The following ABCF1 variants were observed in gnomAD, a reference collection of about 807,000 sequenced individuals.
The protein encoded by ABCF1 is ATP binding cassette subfamily F member 1.
A neutral mutation model predicts 126.3 loss-of-function variants in ABCF1; 73 were observed. The ratio of observed to expected loss-of-function variants is 0.58; its 90% CI spans 0.48 to 0.70. The LOEUF (loss-of-function observed/expected upper bound fraction) is 0.70. Ranked by LOEUF, ABCF1 falls within the 30% of genes least tolerant of loss-of-function variation. The pLI, the probability that ABCF1 is intolerant of heterozygous loss-of-function variation, is 0.00. For missense variants in ABCF1, 786 were observed against 1,057.5 expected, an observed-to-expected ratio of 0.74 and a Z score of 3.56; for synonymous variants, 345 against 396.4, an observed-to-expected ratio of 0.87 and a Z score of 1.54.
rs1211871341 is a variant in ABCF1, at chr6:30,586,100, G to A, written c.1714-34G>A. On this transcript the variant is annotated intron_variant, in intron 17 of 24. Coordinates refer to ENST00000326195, the MANE Select transcript of ABCF1 (RefSeq NM_001025091.2). The surrounding 1 kb of genome is among the most constrained non-coding windows in gnomAD (Gnocchi z 4.9). ...TACATTTCAAGGACTGCCGCGCAGG[G>A]CTCAGGTTTCTCTTTTTTCCTCTTC... The A allele has an allele frequency of 4.4e-6, 7 of 1,605,816 alleles. No homozygotes were observed. The highest frequency in any genetic ancestry group is 5.9e-6 in the Non-Finnish European group (7 of 1,176,880).
chr6:30,587,754 TAGG>T (rs1202185221), intron 20 of ABCF1, among the ~76,000 whole-genome samples: 3 of 150,448 alleles, frequency 2.0e-5, no homozygotes, highest in African/African-American at 7.4e-5. Context: ...GAGGCTGAGG[TAGG>T]AGAATTGCTT....
Position 30,580,434 on chromosome 6 carries a change from A to G in ABCF1, c.593A>G (p.Asn198Ser), listed in dbSNP as rs961589649. 1.3e-5 allele frequency: 20 copies of G among 1,542,226 alleles called. No individual in the cohort carries two copies. The highest frequency in any genetic ancestry group is 1.6e-5 in the Non-Finnish European group (19 of 1,156,790). ...CAAAATAAATTCGCTGCTCTGGACA[A>G]TGAAGAGGAGGATAAAGAAGAAGAA... ...KPQNKFAALD[N>S]EEEDKEEEII... Residue 198 changes from asparagine (N) to serine (S), a missense_variant, in exon 8 of 25, where the codon AAT (asparagine) becomes AGT (serine). Coordinates refer to ENST00000326195, the MANE Select transcript of ABCF1 (RefSeq NM_001025091.2).
rs773511117 is a variant in ABCF1 at position 30,583,149 on chromosome 6, C to T, written c.876C>T (p.Ser292=). 6.2e-7 allele frequency: 1 copy of T among 1,611,168 alleles called. No individual in the cohort carries two copies. The highest frequency in any genetic ancestry group is 8.5e-7 in the Non-Finnish European group (1 of 1,178,414). ...NDFSVSQAEM[S]SRQAMLENAS... ...TCTCCGTGTCCCAGGCGGAGATGTCCTCCCGCCAAGCCATGTTAGAAAATG... is the reference window on the plus strand; with the variant it reads ...TCTCCGTGTCCCAGGCGGAGATGTCTTCCCGCCAAGCCATGTTAGAAAATG... Residue 292 remains serine, a synonymous_variant, in exon 10 of 25, where the codon TCC becomes TCT. Transcript: ENST00000326195. This position sits in a 1 kb window ranked among gnomAD's most constrained non-coding sequence, Gnocchi z 4.1.
intron 20 of ABCF1, among the ~76,000 whole-genome samples, chr6:30,588,090 ACAGGG>A (rs1257368176): frequency 6.6e-6 from 1 of 151,942 alleles, no homozygotes; most frequent in Non-Finnish European, 1.5e-5. Flanking sequence ...TTTAGTAGAG[ACAGGG>A]TTTCACCATG....
chr6:30,578,193 G>C lies in ABCF1; in HGVS notation c.334G>C (p.Glu112Gln), dbSNP rs1801610814. ...KKLSVPTSDE[E>Q]DEVPAPKPRG... ...GCTCTCAGTGCCAACCAGTGATGAG[G>C]AGGATGAAGGTAAATGACCTGAGGG... The change falls in exon 4 of 25, where the codon GAG becomes CAG. Residue 112 changes from glutamate (E) to glutamine (Q), a missense_variant. Around this residue, in one of 4 missense-constraint regions of ABCF1, gnomAD observed 322 missense variants for 322.9 expected, o/e 1.00. Transcript: ENST00000326195. 1.9e-6 allele frequency: 3 copies of C among 1,613,832 alleles called. No individual in the cohort carries two copies. The highest frequency in any genetic ancestry group is 2.5e-6 in the Non-Finnish European group (3 of 1,179,996).
rs771126239 is a variant in ABCF1, at chr6:30,583,936, G to T, written c.1102+46G>T. 2.5e-6 allele frequency: 4 copies of T among 1,596,364 alleles called. No individual in the cohort carries two copies. In the South Asian group the frequency reaches 4.4e-5, roughly 18 times the overall value. On this transcript the variant is annotated intron_variant, in intron 12 of 24. Coordinates refer to ENST00000326195, the MANE Select transcript of ABCF1 (RefSeq NM_001025091.2). The surrounding 1 kb of genome is among the most constrained non-coding windows in gnomAD (Gnocchi z 4.1). Reference sequence around the variant, plus strand: ...AGGGGCTTGGTGGGGTGGGCAGTTGGGTAGAAAAGCCAGCCAGCCAAGAAT... The same window carrying T: ...AGGGGCTTGGTGGGGTGGGCAGTTGTGTAGAAAAGCCAGCCAGCCAAGAAT...
intron 24 of ABCF1, 74 bp downstream of exon 24, chr6:30,590,452 G>A (rs915211088): frequency 1.3e-6 from 2 of 1,576,254 alleles, no homozygotes; most frequent in South Asian, 1.2e-5. Flanking sequence ...CTACAGAAGG[G>A]CCTAGGACTC....
chr6:30,580,115 G>C, intron 7 of ABCF1, 110 bp downstream of exon 7: 1 of 1,059,914 alleles, frequency 9.4e-7, no homozygotes, highest in Non-Finnish European at 1.4e-6. Context: ...GGGAGGCCGA[G>C]GTGGGCGGAT....
intron 7 of ABCF1, 37 bp from the exon 8 acceptor site, chr6:30,580,369 A>G: frequency 2.9e-6 from 4 of 1,391,436 alleles, no homozygotes; most frequent in Non-Finnish European, 3.8e-6. Flanking sequence ...AGAAAAAAAA[A>G]AAAAACATTT....
At position 30,578,114 on chromosome 6, in the gene ABCF1, GA is replaced by G; in HGVS notation, c.257del (p.Lys86ArgfsTer50). The G allele has an allele frequency of 6.2e-7, 1 of 1,614,166 alleles. No individual in the cohort carries two copies. Among genetic ancestry groups the G allele is most frequent in the Non-Finnish European group, 8.5e-7 (1 of 1,180,030 alleles). On this transcript the variant is annotated frameshift_variant, in exon 4 of 25. Coordinates refer to ENST00000326195, the MANE Select transcript of ABCF1 (RefSeq NM_001025091.2). LOFTEE classifies it high-confidence loss of function. ...GAGATACCCGAAAAGGCAGGCGGAA[GA>G]AGGATGTGGATGATGATGGAGAAGA... ...KRDTRKGRRK[K>X]DVDDDGEEKE...
rs777196438 is a variant in ABCF1, at chr6:30,578,140, A to T, written c.281A>T (p.Glu94Val). 3.7e-6 allele frequency: 6 copies of T among 1,614,010 alleles called. No individual in the cohort carries two copies. In the African/African-American group the frequency reaches 8.0e-5, roughly 22 times the overall value. Residue 94 changes from glutamate (E) to valine (V), a missense_variant, in exon 4 of 25, where the codon GAG (glutamate) becomes GTG (valine). This residue lies in a region of ABCF1 where 322 missense variants were observed against 322.9 expected (regional missense o/e 1.00). Coordinates refer to ENST00000326195, the MANE Select transcript of ABCF1 (RefSeq NM_001025091.2). ...RKKDVDDDGEEKELMERLKKL... is the reference protein window; with the variant it reads ...RKKDVDDDGEVKELMERLKKL... ...AAGGATGTGGATGATGATGGAGAAGAGAAAGAGCTCATGGAGCGTCTTAAG... is the reference window on the plus strand; with the variant it reads ...AAGGATGTGGATGATGATGGAGAAGTGAAAGAGCTCATGGAGCGTCTTAAG...
chr6:30,584,005 A>T lies in ABCF1; in HGVS notation c.1102+115A>T. ...GGAGTTGGAAGGGATGTGGAGGGAG[A>T]CTGGAGACCGGGAAAGGGATGCTAA... is the stretch of plus-strand genomic sequence containing the variant. On this transcript the variant is annotated intron_variant, in intron 12 of 24. Transcript: ENST00000326195. The surrounding 1 kb of genome is among the most constrained non-coding windows in gnomAD (Gnocchi z 4.6). 1 of 1,425,506 alleles carries T rather than the reference A, an allele frequency of 7.0e-7. No homozygotes were observed. Among genetic ancestry groups the T allele is most frequent in the Non-Finnish European group, 9.7e-7 (1 of 1,032,294 alleles). The allele number at this position is 1,425,506 out of a possible 1,614,324, so 88.3% of individuals were successfully genotyped here.
Position 30,578,544 on chromosome 6 carries a change from G to A in ABCF1, c.456G>A (p.Lys152=), listed in dbSNP as rs1236943894. The change falls in exon 6 of 25, where the codon AAG becomes AAA. Residue 152 remains lysine (K), a synonymous_variant. Coordinates refer to ENST00000326195, the MANE Select transcript of ABCF1 (RefSeq NM_001025091.2). ...EEEEEEKHPP[K]PAKPEKNRIN... ...AGGAGGAAGAAAAACATCCTCCTAAGCCTGCCAAGCCGGAGAAGAATCGGA... is the reference window on the plus strand; with the variant it reads ...AGGAGGAAGAAAAACATCCTCCTAAACCTGCCAAGCCGGAGAAGAATCGGA... 1 of 1,613,442 alleles carries A rather than the reference G, an allele frequency of 6.2e-7. No homozygotes were observed.
Position 30,589,675 on chromosome 6 carries a change from T to TCTTCC in ABCF1, c.2032-9_2032-5dup. 1 of 1,613,962 alleles carries TCTTCC rather than the reference T, an allele frequency of 6.2e-7. No homozygotes were observed. The highest frequency in any genetic ancestry group is 8.5e-7 in the Non-Finnish European group (1 of 1,180,028). On this transcript the variant is annotated splice_polypyrimidine_tract_variant and intron_variant, in intron 20 of 24. Transcript: ENST00000326195. ...CCTTGCCCTCCTCTTAACTACTTTG[T>TCTTCC]CTTCCCTTGCAGACCCATGGGGAAA...
chr6:30,582,443 A>T lies in ABCF1; in HGVS notation c.728A>T (p.Glu243Val). 1 of 1,612,762 alleles carries T rather than the reference A, an allele frequency of 6.2e-7. No individual in the cohort carries two copies. Among genetic ancestry groups the T allele is most frequent in the Non-Finnish European group, 8.5e-7 (1 of 1,179,822 alleles). Reference sequence around the variant, plus strand: ...GAAGAAGAGGAGGAGGAAGGAGGAGAGTCTAAGGCAGATGATCCCTATGCT... The same window carrying T: ...GAAGAAGAGGAGGAGGAAGGAGGAGTGTCTAAGGCAGATGATCCCTATGCT... ...EGEEEEEEGGESKADDPYAHL... is the reference protein window; with the variant it reads ...EGEEEEEEGGVSKADDPYAHL... The change falls in exon 9 of 25, where the codon GAG becomes GTG. Residue 243 changes from glutamate to valine, a missense_variant. By Grantham distance (121) the Glu-to-Val change is moderately radical (BLOSUM62 -2). Around this residue, in one of 4 missense-constraint regions of ABCF1, gnomAD observed 322 missense variants for 322.9 expected, o/e 1.00. Transcript: ENST00000326195.
chr6:30,576,019 A>G (rs1180294432), intron 1 of ABCF1, among the ~76,000 whole-genome samples: 10 of 148,820 alleles, frequency 6.7e-5, no homozygotes, highest in African/African-American at 2.2e-4. Flanking sequence ...GGTTACAGTG[A>G]GTTATGATCA....
Position 30,578,597 on chromosome 6 carries a change from C to G in ABCF1, c.489+20C>G, listed in dbSNP as rs1001616546. On this transcript the variant is annotated intron_variant, in intron 6 of 24. Transcript: ENST00000326195. ...AATAAGGTGACAGTGGTGGCTCGAT[C>G]AGTCACTCTCACTCCATTTAGCACC... 4 of 1,601,012 alleles carry G rather than the reference C, an allele frequency of 2.5e-6. No homozygotes were observed. The highest frequency in any genetic ancestry group is 3.4e-6 in the Non-Finnish European group (4 of 1,169,738).
intron 8 of ABCF1, among the ~76,000 whole-genome samples, 189 bp from the exon 9 acceptor site, chr6:30,582,205 C>A (rs1045232301): frequency 1.3e-5 from 2 of 151,880 alleles, no homozygotes; most frequent in African/African-American, 4.8e-5. Context: ...TACAGGCGCC[C>A]GCCACCACGT....
chr6:30,580,642 G>T (rs1158217052), intron 8 of ABCF1, 123 bp downstream of exon 8: 6 of 610,188 alleles, frequency 9.8e-6, no homozygotes, highest in Non-Finnish European at 1.6e-5. Flanking sequence ...TTCTTTTTTT[G>T]GGGGAGTAGT....
Sources: allele counts gnomAD v4.1 joint callset (sites outside exome capture counted in the v4.1 genomes callset), GRCh38; gene constraint gnomAD v4.1.1; regional missense constraint gnomAD v4.1.1; non-coding constraint Gnocchi (gnomAD v3.1); transcripts MANE v1.5; gene names NCBI Gene and HGNC (gene_info 2026-07-23, HGNC 2026-07-21).